Variants in AGBL4 observed in about 807,000 individuals in gnomAD.
AGBL4 encodes AGBL carboxypeptidase 4.
AGBL4 carries 58 observed loss-of-function variants against 66.4 expected under a neutral mutation model. The observed-to-expected ratio is 0.87, with a 90% CI of 0.71 to 1.09. The LOEUF is 1.09. Ranked by LOEUF, AGBL4 falls within the 50% of genes least tolerant of loss-of-function variation. AGBL4 has a pLI of 0.00. For missense variants in AGBL4, 579 were observed against 631.0 expected, an observed-to-expected ratio of 0.92 and a Z score of 0.88; for synonymous variants, 234 against 222.9, an observed-to-expected ratio of 1.05 and a Z score of -0.44.
rs199966362 is a variant in AGBL4 at position 49,160,520 on chromosome 1, A to G, written c.377+85250T>C. On this transcript the variant is annotated intron_variant, in intron 4 of 13. Coordinates refer to ENST00000371839, the MANE Select transcript of AGBL4 (RefSeq NM_032785.4). ...GGGAGGTGTCTCCCAGTCAGGAGACATGGGGGTCAGGGACCCACTTGAGGA... is the reference window on the plus strand; with the variant it reads ...GGGAGGTGTCTCCCAGTCAGGAGACGTGGGGGTCAGGGACCCACTTGAGGA... Among the ~76,000 whole-genome samples the G allele has an allele frequency of 7.2e-5, 11 of 152,236 alleles. No homozygotes were observed. The East Asian group carries it at 2.1e-3, about 30-fold the overall frequency.
chr1:49,459,520 TCTAA>T (rs1168187791), intron 3 of AGBL4, among the ~76,000 whole-genome samples: 3 of 151,720 alleles, frequency 2.0e-5, no homozygotes, highest in Non-Finnish European at 4.4e-5. Context: ...CCATTTCGTT[TCTAA>T]CTGAGATTTT....
intron 3 of AGBL4, among the ~76,000 whole-genome samples, chr1:49,247,593 T>C (rs912229137): frequency 5.3e-5 from 8 of 152,100 alleles, no homozygotes; most frequent in African/African-American, 1.9e-4. Flanking sequence ...CCCTTTTTTT[T>C]CTGAGATTCC....
intron 3 of AGBL4, among the ~76,000 whole-genome samples, chr1:49,474,170 CA>C (rs1171537056): frequency 1.3e-5 from 2 of 152,004 alleles, no homozygotes; most frequent in Admixed American, 1.3e-4. Context: ...GAAAAAATGA[CA>C]TTGGTAATTG....
chr1:48,642,929 T>C (rs1645780774), intron 8 of AGBL4, among the ~76,000 whole-genome samples: 1 of 152,178 alleles, frequency 6.6e-6, no homozygotes, highest in African/African-American at 2.4e-5. Flanking sequence ...CCACACGGCC[T>C]GGATAAAACC....
chr1:49,385,137 G>A (rs1644710180), intron 3 of AGBL4, among the ~76,000 whole-genome samples: 1 of 152,086 alleles, frequency 6.6e-6, no homozygotes, highest in Non-Finnish European at 1.5e-5. Context: ...ATATTGCCAG[G>A]AACTGGTGGT....
intron 3 of AGBL4, among the ~76,000 whole-genome samples, chr1:49,326,748 T>A (rs554420779): frequency 6.6e-6 from 1 of 152,162 alleles, no homozygotes; most frequent in Admixed American, 6.5e-5. Flanking sequence ...TTCTTTACAT[T>A]AGGAAAAATA....
intron 6 of AGBL4, among the ~76,000 whole-genome samples, chr1:48,831,274 CCCT>C (rs1158072763): frequency 1.3e-5 from 2 of 152,110 alleles, no homozygotes; most frequent in Non-Finnish European, 2.9e-5. Flanking sequence ...AGAACTAAGT[CCCT>C]CTCCTCCATC....
chr1:49,527,136 A>G (rs1160031924), intron 3 of AGBL4: 1 of 152,132 alleles, frequency 6.6e-6, no homozygotes, highest in Non-Finnish European at 1.5e-5. Flanking sequence ...CACAAGGCAG[A>G]TGTACCCTAT....
chr1:48,630,624 T>A (rs1483143459), intron 9 of AGBL4, among the ~76,000 whole-genome samples: 1 of 152,186 alleles, frequency 6.6e-6, no homozygotes, highest in Non-Finnish European at 1.5e-5. Flanking sequence ...ATGGTCTCAC[T>A]GTCTCTAGTT....
intron 6 of AGBL4, among the ~76,000 whole-genome samples, chr1:48,782,580 C>T: frequency 6.6e-6 from 1 of 152,120 alleles, no homozygotes; most frequent in Non-Finnish European, 1.5e-5. Context: ...TTAGACTTTT[C>T]AAGTCTCTGC....
intron 6 of AGBL4, among the ~76,000 whole-genome samples, chr1:48,713,295 G>T (rs1279655485): frequency 6.6e-6 from 1 of 152,178 alleles, no homozygotes; most frequent in African/African-American, 2.4e-5. Flanking sequence ...TAACCCAGGA[G>T]CTGGCCTAGA....
intron 3 of AGBL4, among the ~76,000 whole-genome samples, chr1:49,262,337 G>A (rs1653269040): frequency 6.6e-6 from 1 of 152,104 alleles, no homozygotes; most frequent in Admixed American, 6.6e-5. Flanking sequence ...CTTCTGCACA[G>A]CAAAAGAAAC....
At chr1:49,276,483 A>G (rs1369950903) in intron 3 of AGBL4, among the ~76,000 whole-genome samples, 1 of 152,182 alleles carries the variant, frequency 6.6e-6, no homozygotes, top group Non-Finnish European at 1.5e-5. Flanking sequence ...CAACAAATAG[A>G]AATGACCCTA....
chr1:49,552,234 A>T (rs896236110), intron 3 of AGBL4, among the ~76,000 whole-genome samples: 3 of 152,084 alleles, frequency 2.0e-5, no homozygotes, highest in African/African-American at 7.2e-5. Context: ...CCTGTCTCCT[A>T]GCTGAGGAAA....
chr1:48,563,360 C>G (rs745500479), intron 11 of AGBL4, among the ~76,000 whole-genome samples: 23 of 152,192 alleles, frequency 1.5e-4, no homozygotes, highest in Admixed American at 3.9e-4. Flanking sequence ...AATTCTATAG[C>G]AGCCATCAAT....
chr1:49,445,167 G>A (rs182521167), intron 3 of AGBL4, among the ~76,000 whole-genome samples: 1 of 151,392 alleles, frequency 6.6e-6, no homozygotes, highest in Non-Finnish European at 1.5e-5. Flanking sequence ...TTTTCTTTCA[G>A]CACTTTGAAT....
chr1:49,289,293 A>G (rs541001458), intron 3 of AGBL4, among the ~76,000 whole-genome samples: 1 of 152,338 alleles, frequency 6.6e-6, no homozygotes. Context: ...GTGAAATGAC[A>G]TACATATGCT....
At chr1:49,850,407 A>C (rs1336897817) in intron 2 of AGBL4, among the ~76,000 whole-genome samples, 1 of 152,164 alleles carries the variant, frequency 6.6e-6, no homozygotes. Flanking sequence ...AATCTCCAGG[A>C]CTGTGAGACA....
chr1:49,553,049 C>T (rs760407279), intron 3 of AGBL4, among the ~76,000 whole-genome samples: 19 of 151,924 alleles, frequency 1.3e-4, no homozygotes, highest in East Asian at 5.8e-4. Context: ...TAGCAACCTA[C>T]GTATGAAAGG....
Sources: gnomAD v4.1 joint callset for allele counts (sites outside exome capture counted in the v4.1 genomes callset) on GRCh38, gnomAD v4.1.1 for gene constraint, MANE v1.5 for transcripts, NCBI Gene and HGNC (gene_info 2026-07-23, HGNC 2026-07-21) for gene names.